PUDP: variants seen among roughly 807,000 people sequenced by gnomAD.
PUDP encodes the protein pseudouridine 5'-phosphatase, also known as pseudouridine-5'-phosphatase.
PUDP carries 8 observed loss-of-function variants against 9.4 expected under a neutral mutation model. That is an observed-to-expected ratio of 0.85 (90% confidence interval 0.50 to 1.53). The LOEUF is 1.53. Ranked by LOEUF, PUDP falls within the 40% of genes most tolerant of loss-of-function variation. The pLI is 0.00. For missense variants in PUDP, 188 were observed against 189.7 expected, an observed-to-expected ratio of 0.99 and a Z score of 0.05; for synonymous variants, 99 against 80.7, an observed-to-expected ratio of 1.23 and a Z score of -1.22.
At chrX:6,930,175 C>A (rs1300388960) in intron 3 of PUDP, among the ~76,000 whole-genome samples, 2 of 110,531 alleles carry the variant, frequency 1.8e-5, no homozygotes, top group Non-Finnish European at 3.8e-5. Flanking sequence ...GGTGTTTGAA[C>A]CAGAGTGACT....
intron 3 of PUDP, among the ~76,000 whole-genome samples, chrX:6,823,522 T>C (rs1019469764): frequency 4.4e-5 from 5 of 112,709 alleles, no homozygotes; most frequent in African/African-American, 9.7e-5. Context: ...GCCAGTCCTC[T>C]TTCTTTCTTG....
chrX:6,837,186 G>C (rs1190021492), intron 3 of PUDP, among the ~76,000 whole-genome samples: 3 of 112,331 alleles, frequency 2.7e-5, no homozygotes, highest in African/African-American at 9.7e-5. Context: ...CTAAAAGGTT[G>C]CCGTGACGAT....
At chrX:6,911,564 T>A in intron 3 of PUDP, among the ~76,000 whole-genome samples, 1 of 112,326 alleles carries the variant, frequency 8.9e-6, no homozygotes, top group South Asian at 3.6e-4. Flanking sequence ...TTTCTTTTTT[T>A]AAATAAATGT....
intron 3 of PUDP, among the ~76,000 whole-genome samples, chrX:6,733,605 C>T (rs1246505202): frequency 9.2e-6 from 1 of 109,069 alleles, no homozygotes; most frequent in African/African-American, 3.3e-5. Flanking sequence ...TGCAGGAATC[C>T]AGAGAGAGAT....
intron 3 of PUDP, among the ~76,000 whole-genome samples, chrX:6,772,355 G>A (rs1036288367): frequency 7.2e-5 from 8 of 110,733 alleles, no homozygotes; most frequent in South Asian, 3.8e-4. Flanking sequence ...TTCAGCAGAC[G>A]TGAAAGCTAA....
upstream of PUDP, among the ~76,000 whole-genome samples, chrX:6,726,445 C>T (rs1253501831): frequency 1.8e-5 from 2 of 111,353 alleles, no homozygotes; most frequent in Admixed American, 9.5e-5. Flanking sequence ...GTTCCCAACA[C>T]GAAGAAATGA....
intron 3 of PUDP, among the ~76,000 whole-genome samples, chrX:6,860,468 G>GTTTTTTTTTTTTTTTTTTTTTTT (rs1462065871): frequency 1.0e-5 from 1 of 100,432 alleles, no homozygotes. Context: ...GTGGTTTTTT[G>GTTTTTTTTTTTTTTTTTTTTTTT]TTTTTTGTTT....
At chrX:6,901,011 C>T (rs1185925036) in intron 3 of PUDP, among the ~76,000 whole-genome samples, 3 of 110,850 alleles carry the variant, frequency 2.7e-5, no homozygotes, top group Admixed American at 9.7e-5. Context: ...CTCTTGACCT[C>T]GTGATCCGCC....
intron 3 of PUDP, among the ~76,000 whole-genome samples, chrX:6,737,569 C>T (rs777335466): frequency 1.6e-4 from 17 of 103,811 alleles, no homozygotes; most frequent in Non-Finnish European, 3.0e-4. Context: ...CTGGAATGCC[C>T]TAGGCACCCA....
intron 3 of PUDP, among the ~76,000 whole-genome samples, chrX:6,950,474 G>C (rs1283810002): frequency 2.6e-5 from 2 of 77,780 alleles, no homozygotes; most frequent in Middle Eastern, 8.8e-3. Context: ...GCAGTGGTGT[G>C]ATCTCGGCTC....
At chrX:6,779,439 A>T (rs1445927004) in intron 3 of PUDP, among the ~76,000 whole-genome samples, 1 of 111,717 alleles carries the variant, frequency 9.0e-6, no homozygotes, top group Non-Finnish European at 1.9e-5. Context: ...GAGCCTGTCG[A>T]CCAGGAGAGA....
At chrX:6,930,590 C>T (rs1269518911) in intron 3 of PUDP, among the ~76,000 whole-genome samples, 1 of 111,501 alleles carries the variant, frequency 9.0e-6, no homozygotes, top group Non-Finnish European at 1.9e-5. Context: ...TAATCCACCC[C>T]TCATTCAGCA....
In PUDP at chrX:6,863,731, C is replaced by T. The variant is rs759458654; in HGVS notation, c.*247+113402G>A. On this transcript the variant is annotated intron_variant and NMD_transcript_variant, in intron 3 of 3. Coordinates refer to the PUDP transcript ENST00000655425. ...CTATAGGCGAGCTGAAATTGGCATACGGTCTACGGTTGCTTTTCAGAAAAG... is the reference window on the plus strand; with the variant it reads ...CTATAGGCGAGCTGAAATTGGCATATGGTCTACGGTTGCTTTTCAGAAAAG... 6.3e-5 allele frequency among the ~76,000 whole-genome samples: 7 copies of T among 111,943 alleles called. No homozygotes were observed. In the East Asian group the frequency reaches 1.1e-3, roughly 18 times the overall value.
chrX:6,890,686 G>A (rs1425837856), intron 3 of PUDP, among the ~76,000 whole-genome samples: 1 of 110,523 alleles, frequency 9.0e-6, no homozygotes, highest in Non-Finnish European at 1.9e-5. Context: ...AGAAGGCTGG[G>A]ATGTGCTGTA....
At chrX:6,744,374 T>C (rs147920754) in intron 3 of PUDP, among the ~76,000 whole-genome samples, 13,588 of 111,211 alleles carry the variant, frequency 0.12, 855 homozygotes, top group Non-Finnish European at 0.18. Flanking sequence ...GAACAATATA[T>C]AACAGCATAA....
At chrX:6,844,386 T>C (rs1926713427) in intron 3 of PUDP, among the ~76,000 whole-genome samples, 1 of 112,829 alleles carries the variant, frequency 8.9e-6, no homozygotes, top group Non-Finnish European at 1.9e-5. Flanking sequence ...GATAGCTTAC[T>C]TTTTTCCAGA....
At chrX:6,728,198 C>G (rs145704772) in intron 3 of PUDP, among the ~76,000 whole-genome samples, 3,304 of 110,662 alleles carry the variant, frequency 0.03, 36 homozygotes, top group South Asian at 0.056. Flanking sequence ...TATTCACTAC[C>G]ACAAGAACAA....
At chrX:6,963,095 C>T (rs1411633442) in intron 3 of PUDP, among the ~76,000 whole-genome samples, 2 of 112,365 alleles carry the variant, frequency 1.8e-5, no homozygotes, top group African/African-American at 6.5e-5. Context: ...AAACTCAGAT[C>T]CACACAGTCA....
At chrX:6,725,068 G>A (rs930255677), upstream of PUDP, among the ~76,000 whole-genome samples, 1 of 111,729 alleles carries the variant, frequency 9.0e-6, no homozygotes, top group Admixed American at 9.5e-5. Context: ...GTCGAGCACG[G>A]TTGGTCCCCA....
Sources: gnomAD v4.1 joint callset for allele counts (sites outside exome capture counted in the v4.1 genomes callset) on GRCh38, gnomAD v4.1.1 for gene constraint, MANE v1.5 for transcripts, NCBI Gene and HGNC (gene_info 2026-07-23, HGNC 2026-07-21) for gene names.